The following GPD2 variants were observed in gnomAD, a reference collection of about 807,000 sequenced individuals.
GPD2 encodes the protein glycerol-3-phosphate dehydrogenase 2, also known as glycerol-3-phosphate dehydrogenase, mitochondrial.
Under a neutral mutation model 82.4 loss-of-function variants are expected in GPD2, and 54 were observed. The observed-to-expected ratio is 0.66, with a 90% CI of 0.53 to 0.82. GPD2 has a LOEUF of 0.82. GPD2 is among the 40% of genes least tolerant of loss of function. GPD2 has a pLI of 0.00. For synonymous variants in GPD2, 288 were observed against 306.1 expected (o/e 0.94, Z 0.62); for missense variants, 748 against 896.2 (o/e 0.83, Z 2.11).
intron 2 of GPD2, chr2:156,495,763 G>T (rs1684347392): frequency 4.7e-6 from 2 of 429,164 alleles, no homozygotes. Flanking sequence ...ATACAGTGTT[G>T]TGAATAATTG....
At chr2:156,560,148 A>T (rs1045328401) in intron 9 of GPD2, among the ~76,000 whole-genome samples, 3 of 152,182 alleles carry the variant, frequency 2.0e-5, no homozygotes, top group Non-Finnish European at 4.4e-5. Context: ...CCTGCTAAGA[A>T]GCTGGATGTG....
In GPD2 at chr2:156,496,046, G is replaced by A; in HGVS notation, c.105G>A (p.Met35Ile). Reference protein sequence around the residue: ...SQFAHYRRKQMNLAYVKAADC... With the variant: ...SQFAHYRRKQINLAYVKAADC... ...AAAGTGATCTGCTTTTACATCAGATGAACCTGGCCTATGTTAAAGCAGCAG... is the reference window on the plus strand; with the variant it reads ...AAAGTGATCTGCTTTTACATCAGATAAACCTGGCCTATGTTAAAGCAGCAG... Residue 35 changes from methionine (M) to isoleucine (I), a missense_variant and splice_region_variant, in exon 3 of 17, where the codon ATG (methionine) becomes ATA (isoleucine). Physicochemically the swap from Met to Ile is conservative, Grantham distance 10. This residue lies in a region of GPD2 where 692 missense variants were observed against 809.7 expected (regional missense o/e 0.85). Coordinates refer to ENST00000438166, the MANE Select transcript of GPD2 (RefSeq NM_000408.5). 6.2e-7 allele frequency: 1 copy of A among 1,610,678 alleles called. No homozygotes were observed. The highest frequency in any genetic ancestry group is 8.5e-7 in the Non-Finnish European group (1 of 1,177,592).
chr2:156,505,481 T>C (rs988143218), intron 3 of GPD2, among the ~76,000 whole-genome samples: 1 of 152,196 alleles, frequency 6.6e-6, no homozygotes, highest in Non-Finnish European at 1.5e-5. Context: ...CTGTTTCATC[T>C]TAATAGAGAT....
At position 156,568,990 on chromosome 2, in the gene GPD2, C is replaced by CTTTTTTT. The variant is rs36082652; in HGVS notation, c.1300+41_1300+47dup. On this transcript the variant is annotated intron_variant, in intron 10 of 16. Transcript: ENST00000438166. ...AGATACTACCTTGTTATTTTCTTTT[C>CTTTTTTT]TTTTTTTTTTTTTTTTGTTATAGGG... 125 of 1,253,990 alleles carry CTTTTTTT rather than the reference C, an allele frequency of 1.0e-4. 1 individual carries two copies. Among genetic ancestry groups the CTTTTTTT allele is most frequent in the South Asian group, 2.5e-4 (19 of 74,586 alleles). 77.7% of individuals were successfully genotyped at this position (1,253,990 alleles called of 1,614,324 possible). A position where few individuals can be genotyped will look rare whatever the true frequency, so the allele number is the denominator to read the frequency against.
intron 13 of GPD2, among the ~76,000 whole-genome samples, chr2:156,575,952 C>G (rs961562978): frequency 1.3e-5 from 2 of 151,902 alleles, no homozygotes; most frequent in African/African-American, 4.8e-5. Context: ...TTTGATGTAC[C>G]AATAACAAGA....
At chr2:156,465,859 T>C (rs1683135314) in intron 1 of GPD2, among the ~76,000 whole-genome samples, 1 of 152,214 alleles carries the variant, frequency 6.6e-6, no homozygotes, top group African/African-American at 2.4e-5. Context: ...TATCAATGAA[T>C]GTGTTTCATT....
At chr2:156,485,031 T>G (rs764356989) in intron 2 of GPD2, among the ~76,000 whole-genome samples, 1 of 152,238 alleles carries the variant, frequency 6.6e-6, no homozygotes, top group African/African-American at 2.4e-5. Flanking sequence ...TTTCAGTGTC[T>G]GGCTTATTTC....
chr2:156,560,768 A>G (rs965521447), intron 9 of GPD2, among the ~76,000 whole-genome samples: 10 of 152,318 alleles, frequency 6.6e-5, no homozygotes, highest in South Asian at 2.1e-4. Flanking sequence ...GAAAGCCACT[A>G]TTCTCTTCTA....
intron 13 of GPD2, among the ~76,000 whole-genome samples, chr2:156,576,881 A>T (rs922967253): frequency 2.0e-5 from 3 of 152,142 alleles, no homozygotes; most frequent in African/African-American, 7.2e-5. Context: ...TTGTGTAGAA[A>T]ATGGCTAGGT....
intron 8 of GPD2, among the ~76,000 whole-genome samples, chr2:156,551,540 G>C (rs768201705): frequency 1.3e-5 from 2 of 152,122 alleles, no homozygotes; most frequent in Non-Finnish European, 2.9e-5. Context: ...GGTAAACCTA[G>C]TAGGCAAAGT....
intron 9 of GPD2, among the ~76,000 whole-genome samples, chr2:156,568,528 G>C (rs925925041): frequency 3.3e-5 from 5 of 152,034 alleles, no homozygotes; most frequent in African/African-American, 1.2e-4. Flanking sequence ...ACTGCTCCAG[G>C]TTGCTTCAGC....
At position 156,585,676 on chromosome 2, in the gene GPD2, A is replaced by G. The variant is rs2105389158; in HGVS notation, c.*2758A>G. The G allele has an allele frequency of 6.6e-6, 1 of 152,580 alleles. No homozygotes were observed. Among genetic ancestry groups the G allele is most frequent in the South Asian group, 2.1e-4 (1 of 4,822 alleles). The allele number at this position is 152,580 out of a possible 1,614,324, so 9.5% of individuals were successfully genotyped here. On this transcript the variant is annotated 3_prime_UTR_variant, in exon 17 of 17. Transcript: ENST00000438166. The stretch of plus-strand genomic sequence containing the variant: ...TGTAGCTTCCTCTTTTGTACAACAA[A>G]AAACTCATTCTCACTTTTACTAAAT...
At chr2:156,563,629 G>A (rs539963117) in intron 9 of GPD2, among the ~76,000 whole-genome samples, 5 of 152,300 alleles carry the variant, frequency 3.3e-5, no homozygotes, top group South Asian at 2.1e-4. Context: ...ATTGACATGA[G>A]TGACAATAAA....
At chr2:156,515,995 A>C (rs920374749) in intron 6 of GPD2, among the ~76,000 whole-genome samples, 1 of 152,238 alleles carries the variant, frequency 6.6e-6, no homozygotes, top group African/African-American at 2.4e-5. Flanking sequence ...AGGTAAAAGA[A>C]TTAAATGAGT....
In GPD2 at chr2:156,569,212, A is replaced by G. The variant is rs1574011296; in HGVS notation, c.1301-151A>G. ...GAATCTCTTTTAACTTTATTGAACA[A>G]GCATTTTTTTTATTCTGAATTAAGT... On this transcript the variant is annotated intron_variant, in intron 10 of 16. Transcript: ENST00000438166. The G allele has an allele frequency of 1.7e-5, 12 of 690,942 alleles. No individual in the cohort carries two copies. The East Asian group carries it at 3.0e-4, about 17-fold the overall frequency. The allele number at this position is 690,942 out of a possible 1,614,324, so 42.8% of individuals were successfully genotyped here.
intron 1 of GPD2, among the ~76,000 whole-genome samples, chr2:156,461,426 T>C (rs1393318958): frequency 6.6e-6 from 1 of 152,234 alleles, no homozygotes. Flanking sequence ...TCTCACTTTG[T>C]CACCCAGGTT....
intron 13 of GPD2, among the ~76,000 whole-genome samples, chr2:156,577,750 G>A (rs760800059): frequency 6.6e-6 from 1 of 152,094 alleles, no homozygotes; most frequent in African/African-American, 2.4e-5. Context: ...GTGGCTCATC[G>A]CAGCAAGCAT....
intron 13 of GPD2, among the ~76,000 whole-genome samples, chr2:156,575,888 G>T (rs1687802959): frequency 6.6e-6 from 1 of 152,174 alleles, no homozygotes; most frequent in African/African-American, 2.4e-5. Context: ...CCTAGATCTT[G>T]ACCTAGTCTA....
the GPD2 span, among the ~76,000 whole-genome samples, chr2:156,421,132 A>G: frequency 1.7e-4 from 26 of 152,334 alleles, no homozygotes; most frequent in South Asian, 3.7e-3. Context: ...TGAAGCTTTT[A>G]TCACTAATAC....
Sources: gnomAD v4.1 joint callset for allele counts (sites outside exome capture counted in the v4.1 genomes callset) on GRCh38, gnomAD v4.1.1 for gene constraint, gnomAD v4.1.1 regional missense constraint, MANE v1.5 for transcripts, NCBI Gene and HGNC (gene_info 2026-07-23, HGNC 2026-07-21) for gene names.